The following PDIA5 variants were observed in gnomAD, a reference collection of about 807,000 sequenced individuals.
PDIA5 encodes the protein protein disulfide-isomerase A5.
In PDIA5, 58 loss-of-function variants were observed where a neutral mutation model predicts 77.6. The observed-to-expected ratio is 0.75, with a 90% CI of 0.61 to 0.93. The LOEUF (loss-of-function observed/expected upper bound fraction) is 0.93. Ranked by LOEUF, PDIA5 falls within the 40% of genes least tolerant of loss-of-function variation. PDIA5 has a pLI of 0.00. For synonymous variants in PDIA5, 250 were observed against 252.1 expected (o/e 0.99, Z 0.08); for missense variants, 630 against 647.7 (o/e 0.97, Z 0.30).
At chr3:123,124,017 G>C (rs1935180147) in intron 8 of PDIA5, 49 bp from the exon 9 acceptor site, 1 of 1,167,774 alleles carries the variant, frequency 8.6e-7, no homozygotes, top group South Asian at 1.2e-5. Flanking sequence ...GGACTAGAGG[G>C]TGTCTGTGGG....
rs149028969 is a variant in PDIA5 at position 123,130,442 on chromosome 3, G to C, written c.774-38G>C. 1.3e-3 allele frequency: 2,049 copies of C among 1,593,218 alleles called. 32 individuals are homozygous for C. The African/African-American group carries it at 0.025, about 19-fold the overall frequency. ...AATTAGAAGGGCTGCCAAGGCCCCA[G>C]GGCCTGCTCTGAGCTCTGCCTGTTT... On this transcript the variant is annotated intron_variant, in intron 10 of 16. Transcript: ENST00000316218.
chr3:123,142,714 TG>T (rs3840217), intron 11 of PDIA5, among the ~76,000 whole-genome samples: 1 of 152,138 alleles, frequency 6.6e-6, no homozygotes, highest in Admixed American at 6.5e-5. Flanking sequence ...GGGCAGCCTC[TG>T]GGGGGGCCGA....
At chr3:123,130,231 G>A (rs898807982) in intron 10 of PDIA5, among the ~76,000 whole-genome samples, 1 of 152,244 alleles carries the variant, frequency 6.6e-6, no homozygotes, top group Admixed American at 6.5e-5. Flanking sequence ...GTAGCCAGAA[G>A]CCACTGTTTG....
At chr3:123,118,397 A>G (rs961467438) in intron 8 of PDIA5, among the ~76,000 whole-genome samples, 12 of 152,168 alleles carry the variant, frequency 7.9e-5, no homozygotes, top group African/African-American at 2.9e-4. Context: ...TGCTCAGCTC[A>G]ACTTCCCGAA....
chr3:123,095,020 T>G (rs1934396293), intron 3 of PDIA5, among the ~76,000 whole-genome samples: 1 of 152,048 alleles, frequency 6.6e-6, no homozygotes, highest in African/African-American at 2.4e-5. Flanking sequence ...TTTGCAGGTG[T>G]GTGGAATAAG....
chr3:123,116,194 T>C (rs1934994218), intron 7 of PDIA5, 37 bp from the exon 8 acceptor site: 3 of 1,580,720 alleles, frequency 1.9e-6, no homozygotes, highest in Admixed American at 1.7e-5. Context: ...CAGCCATCCC[T>C]GTAACCGGAT....
chr3:123,076,071 T>C (rs1933849372), intron 1 of PDIA5, among the ~76,000 whole-genome samples: 1 of 152,050 alleles, frequency 6.6e-6, no homozygotes, highest in Non-Finnish European at 1.5e-5. Flanking sequence ...CAGGTTGTCA[T>C]TGTAGCTCTT....
rs530468163 is a variant in PDIA5 at position 123,131,277 on chromosome 3, G to A, written c.910+661G>A. On this transcript the variant is annotated intron_variant, in intron 11 of 16. Transcript: ENST00000316218. The stretch of plus-strand genomic sequence containing the variant: ...CAAACAAGACCCTGTCTCATTAGCC[G>A]GGCGTGGTGGCGTGCACCTATAATC... Among the ~76,000 whole-genome samples, 6 of 151,850 alleles carry A rather than the reference G, an allele frequency of 4.0e-5. No homozygotes were observed. In the East Asian group the frequency reaches 9.7e-4, roughly 25 times the overall value.
At position 123,092,322 on chromosome 3, in the gene PDIA5, A is replaced by G. The variant is rs775727093; in HGVS notation, c.170-33A>G. 5 of 1,571,440 alleles carry G rather than the reference A, an allele frequency of 3.2e-6. No homozygotes were observed. In the South Asian group the frequency reaches 5.5e-5, roughly 17 times the overall value. ...CAGACATGACCCAGTGCCCTTGGTC[A>G]CAGATGTTTAATTTTTTGTTTTTTT... On this transcript the variant is annotated intron_variant, in intron 2 of 16. Transcript: ENST00000316218.
At chr3:123,135,382 C>T (rs1935474714) in intron 11 of PDIA5, among the ~76,000 whole-genome samples, 1 of 152,162 alleles carries the variant, frequency 6.6e-6, no homozygotes, top group African/African-American at 2.4e-5. Flanking sequence ...CTGAGGACCC[C>T]CTGCTCTTCC....
chr3:123,095,451 A>G (rs1323703604), intron 3 of PDIA5, among the ~76,000 whole-genome samples: 1 of 152,160 alleles, frequency 6.6e-6, no homozygotes, highest in East Asian at 1.9e-4. Flanking sequence ...TCTGACCCTT[A>G]AGAAGTACAG....
chr3:123,073,264 G>C (rs1371282743), intron 1 of PDIA5, among the ~76,000 whole-genome samples: 1 of 152,212 alleles, frequency 6.6e-6, no homozygotes, highest in Non-Finnish European at 1.5e-5. Flanking sequence ...CAGGGAGGTG[G>C]GAAGCAACAT....
Position 123,069,300 on chromosome 3 carries a change from A to C in PDIA5, c.42+2094A>C, listed in dbSNP as rs72974420. Among the ~76,000 whole-genome samples the C allele has an allele frequency of 4.6e-5, 7 of 152,204 alleles. 1 individual carries two copies. In the South Asian group the frequency reaches 1.4e-3, roughly 32 times the overall value. The stretch of plus-strand genomic sequence containing the variant: ...AGGACTGGGCTGTGACCTGAAGGGT[A>C]TAAAGGCATCTGCAGGGATTCGTGT... On this transcript the variant is annotated intron_variant, in intron 1 of 16. Transcript: ENST00000316218.
In PDIA5 at chr3:123,123,011, A is replaced by G. The variant is rs375851163; in HGVS notation, c.610-1055A>G. On this transcript the variant is annotated intron_variant, in intron 8 of 16. Coordinates refer to ENST00000316218, the MANE Select transcript of PDIA5 (RefSeq NM_006810.4). ...AAGTCCTGGCTGGGCATGCTGGCTCATGCCTGTAATTCCAGTGCTTTGGGA... is the reference window on the plus strand; with the variant it reads ...AAGTCCTGGCTGGGCATGCTGGCTCGTGCCTGTAATTCCAGTGCTTTGGGA... Among the ~76,000 whole-genome samples the G allele has an allele frequency of 1.2e-4, 18 of 152,318 alleles. 1 individual carries two copies. In the East Asian group the frequency reaches 2.3e-3, roughly 20 times the overall value.
intron 11 of PDIA5, among the ~76,000 whole-genome samples, chr3:123,141,661 C>G (rs776671539): frequency 6.6e-6 from 1 of 152,222 alleles, no homozygotes; most frequent in Non-Finnish European, 1.5e-5. Context: ...GGGTTGCCCC[C>G]GGGGCAGGGA....
intron 2 of PDIA5, among the ~76,000 whole-genome samples, chr3:123,091,981 T>G (rs1025397021): frequency 1.3e-5 from 2 of 152,252 alleles, no homozygotes; most frequent in Non-Finnish European, 2.9e-5. Flanking sequence ...TTGTCATTGT[T>G]TATGGAATTG....
intron 11 of PDIA5, among the ~76,000 whole-genome samples, chr3:123,139,185 A>G (rs1935568140): frequency 6.6e-6 from 1 of 152,162 alleles, no homozygotes; most frequent in Non-Finnish European, 1.5e-5. Context: ...CTCAAATCAC[A>G]ATCAGGACAC....
chr3:123,095,087 C>T (rs1934398558), intron 3 of PDIA5, among the ~76,000 whole-genome samples: 1 of 152,190 alleles, frequency 6.6e-6, no homozygotes, highest in Admixed American at 6.5e-5. Flanking sequence ...AGTTAGTTAG[C>T]TGCGCTGCTC....
chr3:123,067,157 C>T lies in PDIA5; in HGVS notation c.-8C>T. ...AGAAAGGAGCCAGCGGTGGGCAGCG[C>T]TGCTGGGATGGCGCGGGCCGGGCCG... On this transcript the variant is annotated 5_prime_UTR_variant, in exon 1 of 17. Coordinates refer to ENST00000316218, the MANE Select transcript of PDIA5 (RefSeq NM_006810.4). 1 of 1,246,918 alleles carries T rather than the reference C, an allele frequency of 8.0e-7. No homozygotes were observed. The highest frequency in any genetic ancestry group is 1.0e-6 in the Non-Finnish European group (1 of 991,228). The allele number at this position is 1,246,918 out of a possible 1,614,324, so 77.2% of individuals were successfully genotyped here.
Sources: allele counts gnomAD v4.1 joint callset (sites outside exome capture counted in the v4.1 genomes callset), GRCh38; gene constraint gnomAD v4.1.1; transcripts MANE v1.5; gene names NCBI Gene and HGNC (gene_info 2026-07-23, HGNC 2026-07-21).